The following UBE4B variants were observed in gnomAD, a reference collection of about 807,000 sequenced individuals.
UBE4B encodes ubiquitin conjugation factor E4 B.
A neutral mutation model predicts 148.1 loss-of-function variants in UBE4B; 27 were observed. The observed-to-expected ratio is 0.18, with a 90% CI of 0.13 to 0.25. The LOEUF (loss-of-function observed/expected upper bound fraction) is 0.25, where lower values mean the gene tolerates loss of function less well. Among genes scored for constraint, UBE4B ranks in the 10% least tolerant of loss-of-function variants. The probability of loss-of-function intolerance (pLI) is 1.00; values close to 1 mark genes in which losing one functional copy is unlikely to be tolerated. For missense variants in UBE4B, 1,170 were observed against 1,662.4 expected, an observed-to-expected ratio of 0.70 and a Z score of 5.15; for synonymous variants, 596 against 619.3, an observed-to-expected ratio of 0.96 and a Z score of 0.56.
intron 1 of UBE4B, among the ~76,000 whole-genome samples, chr1:10,067,881 C>G (rs1405904258): frequency 1.3e-5 from 2 of 151,942 alleles, no homozygotes; most frequent in Non-Finnish European, 1.5e-5. Context: ...GTGGCCACCA[C>G]CATGCCTGGC....
intron 10 of UBE4B, 99 bp from the exon 11 acceptor site, chr1:10,126,695 A>G (rs991056927): frequency 1.9e-6 from 2 of 1,033,230 alleles, no homozygotes; most frequent in African/African-American, 3.3e-5. Flanking sequence ...TGGGGAAGGA[A>G]TGAAATTTGG....
chr1:10,130,665 T>C, intron 13 of UBE4B, 49 bp downstream of exon 13: 1 of 1,612,858 alleles, frequency 6.2e-7, no homozygotes, highest in Non-Finnish European at 8.5e-7. Flanking sequence ...TTCAGATTCT[T>C]TCCCAAATGT....
At position 10,093,691 on chromosome 1, in the gene UBE4B, CT is replaced by C. The variant is rs568375711; in HGVS notation, c.212-1760del. Among the ~76,000 whole-genome samples, 44 of 148,896 alleles carry C rather than the reference CT, an allele frequency of 3.0e-4. 1 individual carries two copies. Among genetic ancestry groups the C allele is most frequent in the South Asian group, 2.8e-3 (13 of 4,660 alleles). Reference sequence around the variant, plus strand: ...AGTTTCTCTGTTTTCTTTTTTCATACTTTTTTTTTTCTTTTTTTTTTGAGAC... The same window carrying C: ...AGTTTCTCTGTTTTCTTTTTTCATACTTTTTTTTTCTTTTTTTTTTGAGAC... On this transcript the variant is annotated intron_variant, in intron 2 of 27. Coordinates refer to ENST00000343090, the MANE Select transcript of UBE4B (RefSeq NM_001105562.3).
In UBE4B at chr1:10,180,023, G is replaced by A. The variant is rs374654837; in HGVS notation, c.*67G>A. ...AACGAGGCAAGCAGAAGCAGCGGCC[G>A]CAGCGAAGCTGCCGTTCATGTGTTG... On this transcript the variant is annotated 3_prime_UTR_variant, in exon 28 of 28. Coordinates refer to ENST00000343090, the MANE Select transcript of UBE4B (RefSeq NM_001105562.3). 90 of 1,599,592 alleles carry A rather than the reference G, an allele frequency of 5.6e-5. No homozygotes were observed. The African/African-American group carries it at 7.2e-4, about 13-fold the overall frequency.
chr1:10,041,225 T>C (rs1643748557), intron 1 of UBE4B, among the ~76,000 whole-genome samples: 1 of 152,080 alleles, frequency 6.6e-6, no homozygotes, highest in African/African-American at 2.4e-5. Context: ...ACACAACTAG[T>C]AAGTGGTAGA....
intron 2 of UBE4B, among the ~76,000 whole-genome samples, chr1:10,095,016 TG>T (rs1204197995): frequency 2.6e-5 from 4 of 152,196 alleles, no homozygotes; most frequent in Non-Finnish European, 5.9e-5. Context: ...AAACCTCAGG[TG>T]GTCCACCTGC....
At chr1:10,112,667 A>G (rs1645241161) in intron 7 of UBE4B, among the ~76,000 whole-genome samples, 1 of 152,202 alleles carries the variant, frequency 6.6e-6, no homozygotes, top group East Asian at 1.9e-4. Context: ...CCCAAAGTGT[A>G]GAAATATTTC....
At chr1:10,133,116 C>T (rs1645623025) in intron 15 of UBE4B, among the ~76,000 whole-genome samples, 1 of 152,096 alleles carries the variant, frequency 6.6e-6, no homozygotes, top group African/African-American at 2.4e-5. Context: ...AAGGCAGCTG[C>T]AAGGGCGTGA....
At chr1:10,144,886 G>C in intron 17 of UBE4B, 54 bp from the exon 18 acceptor site, 5 of 1,355,660 alleles carry the variant, frequency 3.7e-6, no homozygotes, top group Non-Finnish European at 5.2e-6. Context: ...AAGATGAATG[G>C]GTAAGATGGA....
At chr1:10,059,574 C>T in intron 1 of UBE4B, 2 of 213,962 alleles carry the variant, frequency 9.3e-6, no homozygotes, top group Non-Finnish European at 2.0e-5. Context: ...GCTTGAAGCC[C>T]ATTGAGCTCA....
At chr1:10,150,316 A>G (rs184598641) in intron 20 of UBE4B, among the ~76,000 whole-genome samples, 1 of 152,308 alleles carries the variant, frequency 6.6e-6, no homozygotes, top group East Asian at 1.9e-4. Context: ...CCAACCTTGG[A>G]ATTTAAGCAA....
intron 1 of UBE4B, among the ~76,000 whole-genome samples, chr1:10,055,925 AC>A (rs1379715466): frequency 6.6e-6 from 1 of 150,964 alleles, no homozygotes; most frequent in African/African-American, 2.4e-5. Flanking sequence ...TCTCAAAAAA[AC>A]AAAACAAAAC....
At chr1:10,093,490 C>A (rs1644881592) in intron 2 of UBE4B, among the ~76,000 whole-genome samples, 1 of 152,042 alleles carries the variant, frequency 6.6e-6, no homozygotes, top group South Asian at 2.1e-4. Flanking sequence ...ATAAATCCTG[C>A]AGAAGTTTTA....
Position 10,105,553 on chromosome 1 carries a change from A to G in UBE4B, c.618A>G (p.Leu206=), listed in dbSNP as rs764673121. The G allele has an allele frequency of 6.2e-7, 1 of 1,614,170 alleles. No homozygotes were observed. Among genetic ancestry groups the G allele is most frequent in the African/African-American group, 1.3e-5 (1 of 75,028 alleles). The part of the protein sequence containing the change: ...SDFKDLIGQI[L]MEVLMMSTQT... Reference sequence around the variant, plus strand: ...TTAAGGACTTGATTGGCCAGATTTTAATGGAAGTGCTAATGATGTCCACTC... The same window carrying G: ...TTAAGGACTTGATTGGCCAGATTTTGATGGAAGTGCTAATGATGTCCACTC... The change falls in exon 6 of 28, where the codon TTA becomes TTG. Residue 206 remains leucine, a synonymous_variant. Coordinates refer to ENST00000343090, the MANE Select transcript of UBE4B (RefSeq NM_001105562.3).
In UBE4B at chr1:10,060,068, G is replaced by A. The variant is rs533478228; in HGVS notation, c.25-11960G>A. ...GGAGCCAGTCCTGTTCTATTCAGTCGTCAGGTCCCTGTGTGTGTGTGGAGG... is the reference window on the plus strand; with the variant it reads ...GGAGCCAGTCCTGTTCTATTCAGTCATCAGGTCCCTGTGTGTGTGTGGAGG... On this transcript the variant is annotated intron_variant, in intron 1 of 27. Transcript: ENST00000343090. Among the ~76,000 whole-genome samples, 7 of 152,148 alleles carry A rather than the reference G, an allele frequency of 4.6e-5. No homozygotes were observed. The East Asian group carries it at 9.7e-4, about 21-fold the overall frequency.
intron 21 of UBE4B, among the ~76,000 whole-genome samples, chr1:10,157,914 T>C (rs986709559): frequency 2.6e-5 from 4 of 152,224 alleles, no homozygotes; most frequent in Admixed American, 2.0e-4. Context: ...TGGTGTTTTT[T>C]CAACACCAAA....
chr1:10,075,566 G>C (rs775349287), intron 2 of UBE4B, among the ~76,000 whole-genome samples: 2 of 152,152 alleles, frequency 1.3e-5, no homozygotes, highest in Admixed American at 1.3e-4. Flanking sequence ...TTCCCTAAAC[G>C]GTTAGTTCTT....
At chr1:10,172,360 C>CA (rs2102033801) in intron 25 of UBE4B, among the ~76,000 whole-genome samples, 1 of 152,344 alleles carries the variant, frequency 6.6e-6, no homozygotes, top group East Asian at 1.9e-4. Context: ...TTAGTCCTCA[C>CA]AAAATCCTTT....
chr1:10,078,125 T>C (rs781114271), intron 2 of UBE4B, among the ~76,000 whole-genome samples: 13 of 152,002 alleles, frequency 8.6e-5, no homozygotes, highest in Non-Finnish European at 1.3e-4. Context: ...TTCTCCCACC[T>C]CAGCCTCCGA....
Sources: allele counts gnomAD v4.1 joint callset (sites outside exome capture counted in the v4.1 genomes callset), GRCh38; gene constraint gnomAD v4.1.1; transcripts MANE v1.5; gene names NCBI Gene and HGNC (gene_info 2026-07-23, HGNC 2026-07-21).